CHODL: variants seen among roughly 807,000 people sequenced by gnomAD.
CHODL encodes chondrolectin, also known as transmembrane protein MT75.
CHODL carries 29 observed loss-of-function variants against 34.5 expected under a neutral mutation model. The ratio of observed to expected loss-of-function variants is 0.84; its 90% CI spans 0.63 to 1.15. The LOEUF is 1.15. Among genes scored for constraint, CHODL ranks in the 50% most tolerant of loss-of-function variants. CHODL has a pLI of 0.00. For missense variants in CHODL, 332 were observed against 332.5 expected, an observed-to-expected ratio of 1.00 and a Z score of 0.01; for synonymous variants, 125 against 116.1, an observed-to-expected ratio of 1.08 and a Z score of -0.49.
In CHODL at chr21:18,089,836, G is replaced by A. The variant is rs569553297; in HGVS notation, c.-45+61865G>A. ...TTGCAAATAGAAATGAGATAGATGA[G>A]TTTATCTTGATAAGCCAAAGCACAG... On this transcript the variant is annotated intron_variant, in intron 2 of 6. Transcript: ENST00000400127. Among the ~76,000 whole-genome samples, 61 of 152,292 alleles carry A rather than the reference G, an allele frequency of 4.0e-4. 1 individual carries two copies. The highest frequency in any genetic ancestry group is 1.3e-3 in the African/African-American group (56 of 41,564).
rs138939567 is a variant in CHODL, at chr21:18,227,323, A to G, written c.-44-29186A>G. 5.8e-4 allele frequency among the ~76,000 whole-genome samples: 89 copies of G among 152,304 alleles called. No individual in the cohort carries two copies. In the East Asian group the frequency reaches 0.015, roughly 26 times the overall value. ...AATACTATAGAATTTTCTAATTGCA[A>G]TAAGTTTTAACATAAATAGCTCTGC... On this transcript the variant is annotated intron_variant, in intron 2 of 6. Coordinates refer to the CHODL transcript ENST00000400127.
chr21:18,263,129 TC>T (rs1215567773), intron 5 of CHODL, among the ~76,000 whole-genome samples: 1 of 152,148 alleles, frequency 6.6e-6, no homozygotes, highest in Non-Finnish European at 1.5e-5. Context: ...GAAGATGGTG[TC>T]TTAGATGGGT....
chr21:18,055,339 C>T, intron 2 of CHODL, among the ~76,000 whole-genome samples: 1 of 152,030 alleles, frequency 6.6e-6, no homozygotes, highest in East Asian at 1.9e-4. Flanking sequence ...TTCCACTCTA[C>T]CCTCTCCTGA....
chr21:17,944,441 C>T (rs1376656561), intron 1 of CHODL, among the ~76,000 whole-genome samples: 4 of 152,288 alleles, frequency 2.6e-5, no homozygotes, highest in Middle Eastern at 6.8e-3. Flanking sequence ...AAATGTCAAA[C>T]AGCCACTTAT....
intron 2 of CHODL, among the ~76,000 whole-genome samples, chr21:18,234,951 A>G (rs991027264): frequency 1.3e-5 from 2 of 152,128 alleles, no homozygotes; most frequent in African/African-American, 4.8e-5. Flanking sequence ...AGTTTTATCC[A>G]TCTGGAAAAG....
At chr21:18,108,280 A>T (rs907997397) in intron 2 of CHODL, among the ~76,000 whole-genome samples, 2 of 152,208 alleles carry the variant, frequency 1.3e-5, no homozygotes, top group Non-Finnish European at 2.9e-5. Flanking sequence ...GCTCTGAACC[A>T]GCAACCAATT....
At chr21:18,186,589 A>G (rs1357633290) in intron 2 of CHODL, among the ~76,000 whole-genome samples, 1 of 152,188 alleles carries the variant, frequency 6.6e-6, no homozygotes, top group East Asian at 1.9e-4. Flanking sequence ...TGTCTCTTTT[A>G]GTAGTAAAAT....
At chr21:18,189,626 G>C (rs9976613) in intron 2 of CHODL, among the ~76,000 whole-genome samples, 2,029 of 133,456 alleles carry the variant, frequency 0.015, 37 homozygotes, top group African/African-American at 0.042. Flanking sequence ...ATAGAAGTGG[G>C]CAATTTTTTT....
At chr21:18,239,276 G>A (rs541850353) in intron 2 of CHODL, among the ~76,000 whole-genome samples, 1 of 152,224 alleles carries the variant, frequency 6.6e-6, no homozygotes, top group Non-Finnish European at 1.5e-5. Context: ...ATCTGACAGA[G>A]TATTCCTTAT....
At position 18,127,672 on chromosome 21, in the gene CHODL, G is replaced by GTTTTTTTTTTTTTT. The variant is rs71318127; in HGVS notation, c.-45+99717_-45+99730dup. The stretch of plus-strand genomic sequence containing the variant: ...TTACATAACCAGTTGCGTTGCCATT[G>GTTTTTTTTTTTTTT]TTTTTTTTTTTTTTTTTTTTTTTTT... On this transcript the variant is annotated intron_variant, in intron 2 of 6. Coordinates refer to the CHODL transcript ENST00000400127. Among the ~76,000 whole-genome samples, 14 of 70,046 alleles carry GTTTTTTTTTTTTTT rather than the reference G, an allele frequency of 2.0e-4. 1 individual carries two copies. The highest frequency in any genetic ancestry group is 4.2e-4 in the African/African-American group (8 of 18,924). The allele number at this position is 70,046 out of a possible 152,430, so 46.0% of individuals were successfully genotyped here. A position where few individuals can be genotyped will look rare whatever the true frequency, so the allele number is the denominator to read the frequency against.
At chr21:18,192,199 G>A (rs1296148100) in intron 2 of CHODL, among the ~76,000 whole-genome samples, 1 of 152,132 alleles carries the variant, frequency 6.6e-6, no homozygotes, top group South Asian at 2.1e-4. Context: ...TTAAGAGAAG[G>A]ATGGTAATCT....
chr21:17,993,628 T>G (rs1427812141), intron 1 of CHODL, among the ~76,000 whole-genome samples: 1 of 152,236 alleles, frequency 6.6e-6, no homozygotes, highest in African/African-American at 2.4e-5. Flanking sequence ...TGATGGGCAT[T>G]TAGGTTCATT....
intron 1 of CHODL, among the ~76,000 whole-genome samples, chr21:18,249,108 T>TATAATAAAATATATATATAATA (rs2074203305): frequency 1.7e-5 from 2 of 117,492 alleles, no homozygotes; most frequent in African/African-American, 8.5e-5. Context: ...TATATAATAA[T>TATAATAAAATATATATATAATA]ATATATATAA....
chr21:18,059,763 G>A (rs939512782), intron 2 of CHODL, among the ~76,000 whole-genome samples: 11 of 152,062 alleles, frequency 7.2e-5, no homozygotes, highest in African/African-American at 2.4e-4. Context: ...AACCAAACAC[G>A]GCATGTTCTC....
chr21:17,951,107 C>CGTGT (rs3073722), intron 1 of CHODL, among the ~76,000 whole-genome samples: 13,885 of 148,990 alleles, frequency 0.093, 682 homozygotes, highest in South Asian at 0.2. Context: ...TTACTCTATA[C>CGTGT]GTGTGTGTGT....
intron 2 of CHODL, among the ~76,000 whole-genome samples, chr21:18,187,288 T>C (rs1431351117): frequency 1.3e-5 from 2 of 152,160 alleles, no homozygotes; most frequent in Non-Finnish European, 2.9e-5. Context: ...ACTGTACTCC[T>C]CCTTGTTCAT....
At chr21:18,041,424 C>T (rs2064374600) in intron 2 of CHODL, among the ~76,000 whole-genome samples, 1 of 151,660 alleles carries the variant, frequency 6.6e-6, no homozygotes, top group Admixed American at 6.6e-5. Flanking sequence ...AAACATTCAA[C>T]AAACAATAGC....
intron 1 of CHODL, among the ~76,000 whole-genome samples, chr21:18,019,776 C>A (rs905482310): frequency 5.9e-5 from 9 of 152,158 alleles, no homozygotes; most frequent in African/African-American, 2.2e-4. Context: ...ATGTATGGGG[C>A]AGCTGTAGCC....
intron 1 of CHODL, among the ~76,000 whole-genome samples, chr21:17,968,682 G>C (rs1427695640): frequency 2.0e-5 from 3 of 152,092 alleles, no homozygotes; most frequent in African/African-American, 7.2e-5. Context: ...ACAATCACAT[G>C]GTGGACACCT....
Sources: allele counts gnomAD v4.1 joint callset (sites outside exome capture counted in the v4.1 genomes callset), GRCh38; gene constraint gnomAD v4.1.1; transcripts MANE v1.5; gene names NCBI Gene and HGNC (gene_info 2026-07-23, HGNC 2026-07-21).